The following VPS53 variants were observed in gnomAD, a reference collection of about 807,000 sequenced individuals.
VPS53 encodes the protein VPS53 subunit of GARP complex, also known as vacuolar protein sorting-associated protein 53 homolog.
A neutral mutation model predicts 107.0 loss-of-function variants in VPS53; 70 were observed. The ratio of observed to expected loss-of-function variants is 0.65; its 90% CI spans 0.54 to 0.80. The LOEUF is 0.80. Ranked by LOEUF, VPS53 falls within the 30% of genes least tolerant of loss-of-function variation. VPS53 has a pLI of 0.00. For synonymous variants in VPS53, 409 were observed against 393.3 expected (o/e 1.04, Z -0.47); for missense variants, 917 against 1,049.4 (o/e 0.87, Z 1.74).
At chr17:608,472 A>G (rs1171746638) in intron 11 of VPS53, among the ~76,000 whole-genome samples, 1 of 152,204 alleles carries the variant, frequency 6.6e-6, no homozygotes, top group Non-Finnish European at 1.5e-5. Flanking sequence ...AGCGTCAAAA[A>G]TATACCCCAA....
At chr17:681,870 C>G (rs1342945943) in intron 4 of VPS53, among the ~76,000 whole-genome samples, 1 of 152,148 alleles carries the variant, frequency 6.6e-6, no homozygotes, top group East Asian at 1.9e-4. Flanking sequence ...TATGAGGACA[C>G]TGATCTCACA....
chr17:702,401 C>G (rs1341622630), intron 2 of VPS53, among the ~76,000 whole-genome samples: 2 of 152,174 alleles, frequency 1.3e-5, no homozygotes, highest in East Asian at 3.9e-4. Flanking sequence ...CGCGGTGGCT[C>G]ATGCCTGTAA....
chr17:670,219 ACTGGG>A (rs1333188530), intron 4 of VPS53, among the ~76,000 whole-genome samples: 14 of 151,568 alleles, frequency 9.2e-5, no homozygotes, highest in African/African-American at 3.4e-4. Context: ...GCACTGGTGA[ACTGGG>A]CACTGGTGAA....
intron 7 of VPS53, among the ~76,000 whole-genome samples, chr17:644,265 A>C (rs1275121258): frequency 6.6e-6 from 1 of 152,258 alleles, no homozygotes; most frequent in Admixed American, 6.5e-5. Context: ...ATGTACAGGC[A>C]AAGATTTCAG....
At chr17:657,372 C>T (rs756500100) in intron 5 of VPS53, 39 of 777,688 alleles carry the variant, frequency 5.0e-5, no homozygotes, top group East Asian at 1.5e-4. Context: ...CTTAATGAAC[C>T]GCTGCATGCA....
chr17:695,799 G>T (rs1424941299), intron 4 of VPS53, among the ~76,000 whole-genome samples: 1 of 152,080 alleles, frequency 6.6e-6, no homozygotes, highest in Non-Finnish European at 1.5e-5. Context: ...TGATCTCCCC[G>T]CCTCGGCCTC....
intron 1 of VPS53, chr17:714,365 C>T: frequency 1.9e-6 from 1 of 532,386 alleles, no homozygotes; most frequent in Non-Finnish European, 3.3e-6. Flanking sequence ...GTCGTCCTCT[C>T]TAAGCGCACA....
rs1049813911 is a variant in VPS53, at chr17:655,741, G to A, written c.488+97C>T. The A allele has an allele frequency of 2.6e-5, 30 of 1,167,874 alleles. No homozygotes were observed. In the African/African-American group the frequency reaches 2.9e-4, roughly 11 times the overall value. The allele number at this position is 1,167,874 out of a possible 1,614,324, so 72.3% of individuals were successfully genotyped here. A position where few individuals can be genotyped will look rare whatever the true frequency, so the allele number is the denominator to read the frequency against. ...TTTGCAGAAAGTGGGGCAGGATGGT[G>A]AGACTTTCCTGGCTGAGAAGTAAAT... is the stretch of plus-strand genomic sequence containing the variant. On this transcript the variant is annotated intron_variant, in intron 6 of 21. Coordinates refer to ENST00000437048, the MANE Select transcript of VPS53 (RefSeq NM_001128159.3).
intron 5 of VPS53, chr17:657,599 A>C (rs373790697): frequency 9.5e-6 from 7 of 737,384 alleles, no homozygotes; most frequent in African/African-American, 3.5e-5. Flanking sequence ...GCACATAGCG[A>C]AAGTTTCTTA....
chr17:554,583 A>G (rs1483180246), intron 15 of VPS53, among the ~76,000 whole-genome samples: 1 of 152,138 alleles, frequency 6.6e-6, no homozygotes. Context: ...TCGTATTTTT[A>G]GTAGAGACGG....
intron 4 of VPS53, chr17:675,697 C>G (rs560130333): frequency 4.0e-5 from 6 of 149,954 alleles, no homozygotes; most frequent in Admixed American, 6.7e-5. Flanking sequence ...TCACTTGAAC[C>G]CAGGAGGCGG....
Position 607,957 on chromosome 17 carries a change from CAT to C in VPS53, c.1117-6063_1117-6062del, listed in dbSNP as rs545268697. On this transcript the variant is annotated intron_variant, in intron 11 of 21. Transcript: ENST00000437048. ...CCCTGTGTGAGGCCCTAGCTGGACA[CAT>C]CGAATTATCAAAGAAGGAACTCTGA... Among the ~76,000 whole-genome samples the C allele has an allele frequency of 1.0e-3, 153 of 152,232 alleles. 1 individual carries two copies. The highest frequency in any genetic ancestry group is 3.4e-3 in the African/African-American group (143 of 41,540).
intron 4 of VPS53, among the ~76,000 whole-genome samples, chr17:670,213 TGGTGAACTG>T (rs1971878586): frequency 6.6e-6 from 1 of 151,556 alleles, no homozygotes; most frequent in African/African-American, 2.4e-5. Flanking sequence ...AACTGGGCAC[TGGTGAACTG>T]GGCACTGGTG....
chr17:525,401 A>G (rs530274500), intron 19 of VPS53, among the ~76,000 whole-genome samples: 3 of 152,268 alleles, frequency 2.0e-5, no homozygotes, highest in East Asian at 3.9e-4. Flanking sequence ...AAAATGATCT[A>G]AAGCAGGCAG....
Position 605,695 on chromosome 17 carries a change from G to A in VPS53, c.1117-3799C>T, listed in dbSNP as rs1288041000. 6.1e-5 allele frequency among the ~76,000 whole-genome samples: 9 copies of A among 147,190 alleles called. No homozygotes were observed. In the East Asian group the frequency reaches 8.2e-4, roughly 13 times the overall value. ...GGGGGCCTGGGGTAAGAGGGGTGGC[G>A]GGAGTCCCATCATATTGGTGAGTCA... On this transcript the variant is annotated intron_variant, in intron 11 of 21. Transcript: ENST00000437048.
chr17:648,720 A>T (rs565513109), intron 7 of VPS53, among the ~76,000 whole-genome samples: 3 of 150,942 alleles, frequency 2.0e-5, no homozygotes, highest in African/African-American at 7.3e-5. Context: ...AGAGGAATGG[A>T]ACAGGCACTG....
intron 7 of VPS53, among the ~76,000 whole-genome samples, chr17:649,778 A>G (rs113891306): frequency 2.6e-5 from 4 of 151,790 alleles, no homozygotes; most frequent in African/African-American, 9.7e-5. Flanking sequence ...TAGGACAGAG[A>G]AATGGAACAG....
At chr17:651,233 C>T (rs1970935774) in intron 7 of VPS53, among the ~76,000 whole-genome samples, 1 of 152,180 alleles carries the variant, frequency 6.6e-6, no homozygotes, top group Non-Finnish European at 1.5e-5. Context: ...AAACTGATAA[C>T]AATTACCACC....
At chr17:644,978 C>T (rs1970627140) in intron 7 of VPS53, among the ~76,000 whole-genome samples, 1 of 152,122 alleles carries the variant, frequency 6.6e-6, no homozygotes, top group South Asian at 2.1e-4. Flanking sequence ...TAAGTAAATC[C>T]TCCTGTGTTT....
Sources: allele counts gnomAD v4.1 joint callset (sites outside exome capture counted in the v4.1 genomes callset), GRCh38; gene constraint gnomAD v4.1.1; transcripts MANE v1.5; gene names NCBI Gene and HGNC (gene_info 2026-07-23, HGNC 2026-07-21).